The following AQP9 variants were observed in gnomAD, a reference collection of about 807,000 sequenced individuals.
AQP9 encodes aquaporin 9, also known as aquaporin-9.
Under a neutral mutation model 23.8 loss-of-function variants are expected in AQP9, and 19 were observed. That is an observed-to-expected ratio of 0.80 (90% CI 0.56 to 1.17). AQP9 has a LOEUF of 1.17. Among genes scored for constraint, AQP9 ranks in the 50% most tolerant of loss-of-function variants. The pLI is 0.00. For synonymous variants in AQP9, 153 were observed against 131.5 expected (o/e 1.16, Z -1.12); for missense variants, 413 against 362.0 (o/e 1.14, Z -1.14).
At chr15:58,156,597 G>A (rs188750612) in intron 1 of AQP9, among the ~76,000 whole-genome samples, 2 of 152,234 alleles carry the variant, frequency 1.3e-5, no homozygotes, top group African/African-American at 4.8e-5. Flanking sequence ...ACCACAGACT[G>A]GGCAGGAAAA....
In AQP9 at chr15:58,184,161, G is replaced by A. The variant is rs768975089; in HGVS notation, c.*26G>A. 6.8e-6 allele frequency: 11 copies of A among 1,606,656 alleles called. No individual in the cohort carries two copies. The South Asian group carries it at 1.1e-4, about 16-fold the overall frequency. Reference sequence around the variant, plus strand: ...TGGCATGCTCAGCTCTGGATTTGCAGTCAGTTTGGGATTCTCTTCAGAAAG... The same window carrying A: ...TGGCATGCTCAGCTCTGGATTTGCAATCAGTTTGGGATTCTCTTCAGAAAG... On this transcript the variant is annotated 3_prime_UTR_variant, in exon 6 of 6. Transcript: ENST00000219919.
At chr15:58,164,911 G>A (rs1898465797) in intron 1 of AQP9, among the ~76,000 whole-genome samples, 1 of 152,056 alleles carries the variant, frequency 6.6e-6, no homozygotes, top group African/African-American at 2.4e-5. Flanking sequence ...TCATATTTTA[G>A]TTTTAGACTC....
chr15:58,143,195 G>C (rs150328427), intron 1 of AQP9, among the ~76,000 whole-genome samples: 257 of 152,288 alleles, frequency 1.7e-3, no homozygotes, highest in African/African-American at 5.6e-3. Flanking sequence ...GTACTTGGGA[G>C]TTCTGTCCCT....
chr15:58,174,969 C>A lies in AQP9; in HGVS notation c.428C>A (p.Ala143Glu), dbSNP rs770151820. 5.0e-6 allele frequency: 8 copies of A among 1,614,192 alleles called. No homozygotes were observed. The highest frequency in any genetic ancestry group is 5.9e-6 in the Non-Finnish European group (7 of 1,180,008). The change falls in exon 4 of 6, where the codon GCA becomes GAA. Residue 143 changes from alanine to glutamate, a missense_variant. Transcript: ENST00000219919. ...AAACTGCTGATCGTGGGAGAAAATGCAACAGCACACATTTTTGCAACATAC... is the reference window on the plus strand; with the variant it reads ...AAACTGCTGATCGTGGGAGAAAATGAAACAGCACACATTTTTGCAACATAC... ...GGKLLIVGEN[A>E]TAHIFATYPA... is the part of the protein sequence containing the mutation.
At position 58,138,939 on chromosome 15, in the gene AQP9, T is replaced by C. The variant is rs187963082; in HGVS notation, c.111+263T>C. On this transcript the variant is annotated intron_variant, in intron 1 of 5. Coordinates refer to ENST00000219919, the MANE Select transcript of AQP9 (RefSeq NM_020980.5). ...AGTGAAGTGCCTTCTTTATTTCAGG[T>C]ATTTACTTATACTCTAAAATGGCTT... 432 of 359,678 alleles carry C rather than the reference T, an allele frequency of 1.2e-3. 3 individuals carry two copies. The highest frequency in any genetic ancestry group is 8.3e-4 in the Middle Eastern group (1 of 1,198). 22.3% of individuals were successfully genotyped at this position (359,678 alleles called of 1,614,324 possible).
intron 1 of AQP9, among the ~76,000 whole-genome samples, chr15:58,145,003 GA>G (rs1379342907): frequency 8.6e-6 from 1 of 116,474 alleles, no homozygotes; most frequent in African/African-American, 3.4e-5. Context: ...GATGAAGTGA[GA>G]CTCCATCTCA....
At chr15:58,147,202 G>A (rs144632246) in intron 1 of AQP9, among the ~76,000 whole-genome samples, 53 of 152,168 alleles carry the variant, frequency 3.5e-4, no homozygotes, top group African/African-American at 1.2e-3. Flanking sequence ...CTTTCAAAGG[G>A]GAAGTATTTT....
chr15:58,176,284 A>G (rs1026247681), intron 4 of AQP9, among the ~76,000 whole-genome samples: 3 of 152,136 alleles, frequency 2.0e-5, no homozygotes, highest in African/African-American at 7.2e-5. Context: ...TTGGGAGGCC[A>G]AGGTGGACAG....
intron 2 of AQP9, among the ~76,000 whole-genome samples, chr15:58,170,726 A>G (rs751245681): frequency 6.6e-5 from 10 of 152,056 alleles, no homozygotes; most frequent in Non-Finnish European, 1.5e-4. Context: ...TTTATATTGA[A>G]TACCTACTAA....
intron 1 of AQP9, among the ~76,000 whole-genome samples, chr15:58,165,271 G>C (rs1898473371): frequency 6.6e-6 from 1 of 152,092 alleles, no homozygotes; most frequent in African/African-American, 2.4e-5. Context: ...AAATTGTTCT[G>C]TCTTTCCCAA....
intron 1 of AQP9, among the ~76,000 whole-genome samples, chr15:58,158,268 G>T (rs1898304800): frequency 6.6e-6 from 1 of 152,104 alleles, no homozygotes; most frequent in African/African-American, 2.4e-5. Flanking sequence ...GGGGGCATTG[G>T]TTGCATCTGA....
intron 1 of AQP9, among the ~76,000 whole-genome samples, chr15:58,148,236 C>A (rs1898084240): frequency 6.6e-6 from 1 of 152,136 alleles, no homozygotes; most frequent in Non-Finnish European, 1.5e-5. Flanking sequence ...TACATGTGGT[C>A]CTTCCCAAAT....
intron 3 of AQP9, 53 bp downstream of exon 3, chr15:58,173,258 A>C (rs1898664970): frequency 6.2e-7 from 1 of 1,605,662 alleles, no homozygotes; most frequent in Non-Finnish European, 8.5e-7. Flanking sequence ...ATAATTTGAA[A>C]GTCAGAATTA....
At chr15:58,168,644 C>T (rs1041061090) in intron 2 of AQP9, among the ~76,000 whole-genome samples, 1 of 152,188 alleles carries the variant, frequency 6.6e-6, no homozygotes, top group Non-Finnish European at 1.5e-5. Flanking sequence ...AACTTTGCAA[C>T]CTTGACCTCC....
intron 1 of AQP9, among the ~76,000 whole-genome samples, chr15:58,147,085 G>A (rs1898060405): frequency 6.6e-6 from 1 of 152,152 alleles, no homozygotes; most frequent in Non-Finnish European, 1.5e-5. Flanking sequence ...CTGGATCACT[G>A]ATCTAAGGGC....
At chr15:58,167,178 C>T (rs1470721992) in intron 2 of AQP9, among the ~76,000 whole-genome samples, 1 of 152,180 alleles carries the variant, frequency 6.6e-6, no homozygotes, top group Non-Finnish European at 1.5e-5. Context: ...AGTCCTGGAC[C>T]TTTATCTATA....
In AQP9 at chr15:58,180,792, C is replaced by T. The variant is rs535729616; in HGVS notation, c.713+1447C>T. 5.3e-5 allele frequency among the ~76,000 whole-genome samples: 8 copies of T among 152,296 alleles called. No individual in the cohort carries two copies. In the South Asian group the frequency reaches 6.2e-4, roughly 12 times the overall value. On this transcript the variant is annotated intron_variant, in intron 5 of 5. Coordinates refer to ENST00000219919, the MANE Select transcript of AQP9 (RefSeq NM_020980.5). ...GCTGTTAAGCATCCTACAATGCACACGGCACACCTCCCACAACAAAGAATT... is the reference window on the plus strand; with the variant it reads ...GCTGTTAAGCATCCTACAATGCACATGGCACACCTCCCACAACAAAGAATT...
intron 4 of AQP9, among the ~76,000 whole-genome samples, chr15:58,175,653 G>T (rs1898735904): frequency 6.6e-6 from 1 of 152,196 alleles, no homozygotes; most frequent in African/African-American, 2.4e-5. Context: ...CAAGAAGGCT[G>T]CTGGTTATCT....
At chr15:58,171,897 C>T (rs935208) in intron 2 of AQP9, among the ~76,000 whole-genome samples, 138,890 of 152,182 alleles carry the variant, frequency 0.91, 63,664 homozygotes, top group Non-Finnish European at 0.96. Context: ...TGTTTACGAC[C>T]AAGGCCACAG....
Sources: gnomAD v4.1 joint callset for allele counts (sites outside exome capture counted in the v4.1 genomes callset) on GRCh38, gnomAD v4.1.1 for gene constraint, MANE v1.5 for transcripts, NCBI Gene and HGNC (gene_info 2026-07-23, HGNC 2026-07-21) for gene names.